NCSTN: variants seen among roughly 807,000 people sequenced by gnomAD.
NCSTN encodes nicastrin, also known as anterior pharynx-defective 2.
In NCSTN, 22 loss-of-function variants were observed where a neutral mutation model predicts 87.0. The ratio of observed to expected loss-of-function variants is 0.25; its 90% confidence interval spans 0.18 to 0.36. The LOEUF is 0.36. NCSTN is among the 10% of genes least tolerant of loss of function. The pLI is 1.00. For synonymous variants in NCSTN, 306 were observed against 327.1 expected (o/e 0.94, Z 0.69); for missense variants, 693 against 883.3 (o/e 0.78, Z 2.73).
At chr1:160,345,192 G>A in intron 2 of NCSTN, 1 of 334,796 alleles carries the variant, frequency 3.0e-6, no homozygotes. Flanking sequence ...GCACTAAGCT[G>A]AGAGACCTTT....
Position 160,344,840 on chromosome 1 carries a change from G to T in NCSTN, c.190+14G>T, listed in dbSNP as rs751119550. 2 of 1,598,124 alleles carry T rather than the reference G, an allele frequency of 1.3e-6. No individual in the cohort carries two copies. Among genetic ancestry groups the T allele is most frequent in the African/African-American group, 2.7e-5 (2 of 74,646 alleles). On this transcript the variant is annotated intron_variant, in intron 2 of 16. Transcript: ENST00000294785. ...TTGGCTGCCAGTGTGAGTTGAGATG[G>T]ATTCATGTTTGTGGACATTGATATT...
rs1230339763 is a variant in NCSTN, at chr1:160,358,736, C to A, written c.*465C>A. ...CCCTGAGGACAGGGGCATCTCTGGG[C>A]TGAGCCTACTGTCTCCTTCCCACTG... On this transcript the variant is annotated 3_prime_UTR_variant, in exon 17 of 17. Coordinates refer to ENST00000294785, the MANE Select transcript of NCSTN (RefSeq NM_015331.3). 4.5e-6 allele frequency: 1 copy of A among 222,102 alleles called. No individual in the cohort carries two copies. The highest frequency in any genetic ancestry group is 2.3e-5 in the African/African-American group (1 of 44,072). 13.8% of individuals were successfully genotyped at this position (222,102 alleles called of 1,614,324 possible).
At chr1:160,352,852 C>G in intron 8 of NCSTN, 35 bp from the exon 9 acceptor site, 1 of 1,549,968 alleles carries the variant, frequency 6.5e-7, no homozygotes, top group East Asian at 2.2e-5. Flanking sequence ...CCTTTGGAAT[C>G]TCTGTTCCCC....
intron 4 of NCSTN, 59 bp downstream of exon 4, chr1:160,349,729 G>A: frequency 6.3e-7 from 1 of 1,599,022 alleles, no homozygotes; most frequent in South Asian, 1.1e-5. Context: ...TGTTGCTTCG[G>A]TCTTACGTCT....
At chr1:160,348,699 A>G (rs1382700078) in intron 2 of NCSTN, among the ~76,000 whole-genome samples, 4 of 152,210 alleles carry the variant, frequency 2.6e-5, no homozygotes, top group Non-Finnish European at 5.9e-5. Flanking sequence ...TTTGGTGTCT[A>G]TTGTTGTAGA....
At chr1:160,344,426 C>T in intron 1 of NCSTN, 5 of 1,460,274 alleles carry the variant, frequency 3.4e-6, no homozygotes, top group Non-Finnish European at 4.5e-6. Context: ...CAGAATCTGG[C>T]AAATCTAAGG....
intron 5 of NCSTN, 92 bp from the exon 6 acceptor site, chr1:160,351,130 C>T: frequency 2.2e-6 from 3 of 1,365,314 alleles, no homozygotes. Context: ...GGCTCCATCC[C>T]AAAAGGATGG....
At chr1:160,353,489 C>T in intron 10 of NCSTN, 5 of 1,383,790 alleles carry the variant, frequency 3.6e-6, no homozygotes, top group Non-Finnish European at 4.7e-6. Flanking sequence ...CTACCACTGC[C>T]CATTAAGGAT....
At chr1:160,343,799 A>G (rs759593886) in intron 1 of NCSTN, 1 of 611,400 alleles carries the variant, frequency 1.6e-6, no homozygotes, top group South Asian at 1.5e-5. Context: ...GTCGAAAGGA[A>G]CAGGTGTGAA....
chr1:160,356,764 G>T lies in NCSTN; in HGVS notation c.1794+10G>T. On this transcript the variant is annotated intron_variant, in intron 15 of 16. Coordinates refer to ENST00000294785, the MANE Select transcript of NCSTN (RefSeq NM_015331.3). ...AAGTGAAAACAAGGATGTGAGTGGTGGTGGGTGTTGGAAGTGCCCTGGGGC... is the reference window on the plus strand; with the variant it reads ...AAGTGAAAACAAGGATGTGAGTGGTTGTGGGTGTTGGAAGTGCCCTGGGGC... The T allele has an allele frequency of 2.5e-6, 4 of 1,614,154 alleles. No homozygotes were observed. The highest frequency in any genetic ancestry group is 1.1e-5 in the South Asian group (1 of 91,072).
chr1:160,353,613 C>T (rs1648986271), intron 10 of NCSTN: 5 of 1,196,448 alleles, frequency 4.2e-6, no homozygotes, highest in Admixed American at 3.8e-5. Flanking sequence ...CCTCCACTTT[C>T]CTCATTGCTT....
At position 160,343,393 on chromosome 1, in the gene NCSTN, C is replaced by CA. The variant is rs531501463; in HGVS notation, c.-2dup. 303 of 1,613,052 alleles carry CA rather than the reference C, an allele frequency of 1.9e-4. No homozygotes were observed. Among genetic ancestry groups the CA allele is most frequent in the Admixed American group, 1.2e-3 (71 of 59,938 alleles). ...CGGGGGCTTCCGCTCAGCAGAGAGG[C>CA]AAGATGGCTACGGCAGGGGGTGGCT... On this transcript the variant is annotated 5_prime_UTR_variant, in exon 1 of 17. Transcript: ENST00000294785.
chr1:160,358,078 A>G, intron 16 of NCSTN, 71 bp from the exon 17 acceptor site: 1 of 1,610,320 alleles, frequency 6.2e-7, no homozygotes, highest in South Asian at 1.1e-5. Flanking sequence ...CAAACCCCAA[A>G]CAGTTATCCA....
intron 3 of NCSTN, 137 bp from the exon 4 acceptor site, chr1:160,349,412 A>G: frequency 7.7e-7 from 1 of 1,296,576 alleles, no homozygotes; most frequent in Non-Finnish European, 1.1e-6. Flanking sequence ...CAGACTCAGA[A>G]TTTAGAGACT....
chr1:160,349,541 T>C lies in NCSTN; in HGVS notation c.315-8T>C, dbSNP rs763550109. 6.2e-7 allele frequency: 1 copy of C among 1,614,198 alleles called. No homozygotes were observed. Among genetic ancestry groups the C allele is most frequent in the East Asian group, 2.2e-5 (1 of 44,878 alleles). ...GTGTTCCTTCATGGAATTCCTTTCCTATTCCAGGGATTTAATGGAGAAGCT... is the reference window on the plus strand; with the variant it reads ...GTGTTCCTTCATGGAATTCCTTTCCCATTCCAGGGATTTAATGGAGAAGCT... On this transcript the variant is annotated splice_polypyrimidine_tract_variant and splice_region_variant and intron_variant, in intron 3 of 16. Transcript: ENST00000294785.
At chr1:160,356,553 C>G in intron 14 of NCSTN, 47 bp from the exon 15 acceptor site, 1 of 1,610,954 alleles carries the variant, frequency 6.2e-7, no homozygotes, top group Non-Finnish European at 8.5e-7. Context: ...CCTATTTCAC[C>G]CACCATCCAC....
rs1223492036 is a variant in NCSTN, at chr1:160,351,762, G to A, written c.800G>A (p.Gly267Glu). ...ATGCTAAAGCCTATAAATACAACTG[G>A]GACATTAAAGCCTGACGACAGGGTT... ...WSMLKPINTT[G>E]TLKPDDRVVV... Residue 267 changes from glycine (G) to glutamate (E), a missense_variant, in exon 7 of 17, where the codon GGG becomes GAG. Gly to Glu is a moderately conservative substitution (Grantham distance 98). Coordinates refer to ENST00000294785, the MANE Select transcript of NCSTN (RefSeq NM_015331.3). 2 of 1,613,448 alleles carry A rather than the reference G, an allele frequency of 1.2e-6. No individual in the cohort carries two copies. Among genetic ancestry groups the A allele is most frequent in the African/African-American group, 2.7e-5 (2 of 74,904 alleles).
intron 14 of NCSTN, 111 bp downstream of exon 14, chr1:160,356,458 C>A (rs1333564962): frequency 1.4e-6 from 2 of 1,410,774 alleles, no homozygotes; most frequent in African/African-American, 1.4e-5. Flanking sequence ...TTTTTCTTAC[C>A]CCCTGTTTTC....
At position 160,344,805 on chromosome 1, in the gene NCSTN, A is replaced by G. The variant is rs1648368576; in HGVS notation, c.169A>G (p.Thr57Ala). ...TCCCTGTGTTCGCCTGCTCAACGCC[A>G]CTCATCAGATTGGCTGCCAGTGTGA... ...TAPCVRLLNA[T>A]HQIGCQSSIS... Residue 57 changes from threonine (T) to alanine (A), a missense_variant, in exon 2 of 17, where the codon ACT becomes GCT. Around this residue, in one of 4 missense-constraint regions of NCSTN, gnomAD observed 235 missense variants for 233.9 expected, o/e 1.00. Coordinates refer to ENST00000294785, the MANE Select transcript of NCSTN (RefSeq NM_015331.3). 2.5e-6 allele frequency: 4 copies of G among 1,613,932 alleles called. No individual in the cohort carries two copies. Among genetic ancestry groups the G allele is most frequent in the Non-Finnish European group, 3.4e-6 (4 of 1,179,888 alleles).
Sources: gnomAD v4.1 joint callset for allele counts (sites outside exome capture counted in the v4.1 genomes callset) on GRCh38, gnomAD v4.1.1 for gene constraint, gnomAD v4.1.1 regional missense constraint, MANE v1.5 for transcripts, NCBI Gene and HGNC (gene_info 2026-07-23, HGNC 2026-07-21) for gene names.